Variants in FRMD4A observed in about 807,000 individuals in gnomAD.
FRMD4A encodes FERM domain-containing protein 4A.
FRMD4A carries 29 observed loss-of-function variants against 129.1 expected under a neutral mutation model. The ratio of observed to expected loss-of-function variants is 0.22; its 90% CI spans 0.17 to 0.31. FRMD4A has a LOEUF of 0.31. FRMD4A is among the 10% of genes least tolerant of loss of function. The probability of loss-of-function intolerance (pLI) is 1.00; values close to 1 mark genes in which losing one functional copy is unlikely to be tolerated. For synonymous variants in FRMD4A, 634 were observed against 571.6 expected (o/e 1.11, Z -1.56); for missense variants, 1,272 against 1,375.8 (o/e 0.92, Z 1.19).
At chr10:14,327,560 C>A (rs73585062) in intron 2 of FRMD4A, among the ~76,000 whole-genome samples, 2 of 152,176 alleles carry the variant, frequency 1.3e-5, no homozygotes, top group Non-Finnish European at 2.9e-5. Context: ...CAGGGCTGTC[C>A]AACCCTCCAG....
At position 13,814,410 on chromosome 10, in the gene FRMD4A, C is replaced by CA. The variant is rs552253864; in HGVS notation, c.112-3503dup. 2.4e-3 allele frequency among the ~76,000 whole-genome samples: 353 copies of CA among 149,904 alleles called. 17 individuals carry two copies. In the South Asian group the frequency reaches 0.071, roughly 30 times the overall value. Reference sequence around the variant, plus strand: ...GCGATATAGCAAGACCCCATCTCTACAAAAAAAAATTTAAAAATTAGCCAG... The same window carrying CA: ...GCGATATAGCAAGACCCCATCTCTACAAAAAAAAAATTTAAAAATTAGCCAG... On this transcript the variant is annotated intron_variant, in intron 3 of 24. Coordinates refer to ENST00000357447, the MANE Select transcript of FRMD4A (RefSeq NM_018027.5).
chr10:13,837,631 T>C (rs1428672353), intron 3 of FRMD4A, among the ~76,000 whole-genome samples: 1 of 152,194 alleles, frequency 6.6e-6, no homozygotes, highest in African/African-American at 2.4e-5. Context: ...TTACTCAAGG[T>C]CCATCTCATC....
intron 2 of FRMD4A, among the ~76,000 whole-genome samples, chr10:13,878,960 A>C (rs558323223): frequency 1.2e-3 from 178 of 152,304 alleles, no homozygotes; most frequent in African/African-American, 4.1e-3. Context: ...ATCCTTCCTC[A>C]TGTCTAGTCC....
Position 13,763,833 on chromosome 10 carries a change from A to G in FRMD4A, c.385-1153T>C, listed in dbSNP as rs549633179. ...TCACTGCAACCTCCTCCTCCCAGGT[A>G]CAAGTGATTTTCCTGTCTCAGCCTC... On this transcript the variant is annotated intron_variant, in intron 6 of 24. Coordinates refer to ENST00000357447, the MANE Select transcript of FRMD4A (RefSeq NM_018027.5). 3.9e-5 allele frequency among the ~76,000 whole-genome samples: 6 copies of G among 152,128 alleles called. No homozygotes were observed. The East Asian group carries it at 1.2e-3, about 29-fold the overall frequency.
At chr10:14,211,610 A>C (rs1280894076) in intron 2 of FRMD4A, among the ~76,000 whole-genome samples, 1 of 152,160 alleles carries the variant, frequency 6.6e-6, no homozygotes, top group African/African-American at 2.4e-5. Flanking sequence ...TTAGGGTCAA[A>C]GATTGTATTC....
intron 15 of FRMD4A, among the ~76,000 whole-genome samples, chr10:13,680,537 C>T (rs929029320): frequency 4.6e-5 from 7 of 152,098 alleles, no homozygotes; most frequent in South Asian, 2.1e-4. Context: ...CCAGCCTGGC[C>T]AACATGGCGA....
At chr10:13,923,337 G>C (rs1243506940) in intron 2 of FRMD4A, among the ~76,000 whole-genome samples, 1 of 152,106 alleles carries the variant, frequency 6.6e-6, no homozygotes, top group Admixed American at 6.6e-5. Context: ...TGATGTCAAG[G>C]AACTAAAGCA....
chr10:14,246,768 C>T (rs1291521297), intron 2 of FRMD4A, among the ~76,000 whole-genome samples: 1 of 152,048 alleles, frequency 6.6e-6, no homozygotes, highest in Admixed American at 6.6e-5. Flanking sequence ...GAGGTTAGGT[C>T]CCGCCTCGGT....
At chr10:13,732,591 C>T (rs566636395) in intron 12 of FRMD4A, among the ~76,000 whole-genome samples, 50 of 152,330 alleles carry the variant, frequency 3.3e-4, no homozygotes, top group Middle Eastern at 6.8e-3. Context: ...TGTCTGCCGC[C>T]GGGCAGGAGC....
At chr10:13,659,685 C>T (rs754337095) in intron 20 of FRMD4A, among the ~76,000 whole-genome samples, 195 bp from the exon 21 acceptor site, 10 of 151,790 alleles carry the variant, frequency 6.6e-5, no homozygotes, top group Non-Finnish European at 1.3e-4. Context: ...CCAACCTAGG[C>T]AATATGAGAG....
In FRMD4A at chr10:13,821,855, C is replaced by T. The variant is rs1228598041; in HGVS notation, c.112-10947G>A. 6.6e-6 allele frequency among the ~76,000 whole-genome samples: 1 copy of T among 152,134 alleles called. No individual in the cohort carries two copies. The highest frequency in any genetic ancestry group is 2.4e-5 in the African/African-American group (1 of 41,426). ...GCCTAGAGGAGGCCAGAAACCTGTCCAGGACGAGGGTGGGCACCTTGGTTA... is the reference window on the plus strand; with the variant it reads ...GCCTAGAGGAGGCCAGAAACCTGTCTAGGACGAGGGTGGGCACCTTGGTTA... On this transcript the variant is annotated intron_variant, in intron 3 of 24. Transcript: ENST00000357447. This position sits in a 1 kb window ranked among gnomAD's most constrained non-coding sequence, Gnocchi z 4.3.
At chr10:14,017,044 A>G (rs1226363949) in intron 2 of FRMD4A, among the ~76,000 whole-genome samples, 6 of 152,302 alleles carry the variant, frequency 3.9e-5, no homozygotes, top group Admixed American at 6.5e-5. Context: ...TTTGTCCCCA[A>G]AAGAACTCCA....
At chr10:13,698,501 T>C (rs1416713835) in intron 14 of FRMD4A, among the ~76,000 whole-genome samples, 1 of 152,160 alleles carries the variant, frequency 6.6e-6, no homozygotes, top group African/African-American at 2.4e-5. Context: ...AACAGAAAGG[T>C]GTTGTAATGT....
intron 2 of FRMD4A, among the ~76,000 whole-genome samples, chr10:13,934,157 A>T (rs932388671): frequency 1.3e-5 from 2 of 152,216 alleles, no homozygotes; most frequent in Non-Finnish European, 2.9e-5. Context: ...GTGGTGAGGA[A>T]CATAGAAGGA....
At chr10:14,157,709 G>A (rs549973771) in intron 2 of FRMD4A, among the ~76,000 whole-genome samples, 3 of 152,284 alleles carry the variant, frequency 2.0e-5, no homozygotes, top group Non-Finnish European at 2.9e-5. Flanking sequence ...TATTTGTACA[G>A]CACACACAGG....
intron 24 of FRMD4A, chr10:13,651,620 C>A: frequency 3.0e-6 from 1 of 338,810 alleles, no homozygotes; most frequent in Non-Finnish European, 5.4e-6. Flanking sequence ...TTGCAGTGAG[C>A]CGAGATCATG....
At chr10:14,096,784 A>C (rs940043518) in intron 2 of FRMD4A, among the ~76,000 whole-genome samples, 3 of 152,190 alleles carry the variant, frequency 2.0e-5, no homozygotes, top group Non-Finnish European at 2.9e-5. Context: ...ACAACAATGC[A>C]TTCTTTCCCA....
At chr10:13,858,135 A>G (rs1239865327) in intron 3 of FRMD4A, among the ~76,000 whole-genome samples, 1 of 152,208 alleles carries the variant, frequency 6.6e-6, no homozygotes, top group Non-Finnish European at 1.5e-5. Context: ...ACTGGAAAAG[A>G]AAAGAACAAA....
intron 2 of FRMD4A, among the ~76,000 whole-genome samples, chr10:14,070,540 C>T (rs1471513656): frequency 6.6e-6 from 1 of 152,146 alleles, no homozygotes; most frequent in Non-Finnish European, 1.5e-5. Flanking sequence ...GAAGAGCTGG[C>T]AGAAGAAGGG....
Sources: allele counts gnomAD v4.1 joint callset (sites outside exome capture counted in the v4.1 genomes callset), GRCh38; gene constraint gnomAD v4.1.1; non-coding constraint Gnocchi (gnomAD v3.1); transcripts MANE v1.5; gene names NCBI Gene and HGNC (gene_info 2026-07-23, HGNC 2026-07-21).